Variants in TCP11L2 observed in about 807,000 individuals in gnomAD.
TCP11L2 encodes the protein t-complex 11 like 2.
A neutral mutation model predicts 50.7 loss-of-function variants in TCP11L2; 39 were observed. The ratio of observed to expected loss-of-function variants is 0.77; its 90% confidence interval spans 0.60 to 1.01. The LOEUF (loss-of-function observed/expected upper bound fraction) is 1.01, where lower values mean the gene tolerates loss of function less well. Among genes scored for constraint, TCP11L2 ranks in the 50% least tolerant of loss-of-function variants. The pLI is 0.00. For synonymous variants in TCP11L2, 192 were observed against 219.3 expected, an observed-to-expected ratio of 0.88 and a Z score of 1.10; for missense variants, 612 against 614.7, an observed-to-expected ratio of 1.00 and a Z score of 0.05.
At chr12:106,321,978 T>C (rs543121502) in intron 5 of TCP11L2, among the ~76,000 whole-genome samples, 1 of 152,294 alleles carries the variant, frequency 6.6e-6, no homozygotes, top group African/African-American at 2.4e-5. Flanking sequence ...CCAGGGAGTC[T>C]AATGGGCAGA....
chr12:106,328,954 A>C (rs1374250198), intron 6 of TCP11L2, among the ~76,000 whole-genome samples: 1 of 152,144 alleles, frequency 6.6e-6, no homozygotes, highest in African/African-American at 2.4e-5. Context: ...CTGCTCGGCC[A>C]GCCCCTGGTC....
intron 4 of TCP11L2, among the ~76,000 whole-genome samples, chr12:106,319,128 G>T (rs376752313): frequency 6.6e-6 from 1 of 151,858 alleles, no homozygotes; most frequent in Non-Finnish European, 1.5e-5. Flanking sequence ...AGCCAGGATG[G>T]TCTCGATCTC....
intron 9 of TCP11L2, among the ~76,000 whole-genome samples, chr12:106,344,046 C>T (rs1342105763): frequency 2.0e-5 from 3 of 151,168 alleles, no homozygotes; most frequent in Non-Finnish European, 4.4e-5. Context: ...AGGCCAGGCA[C>T]GGTGGCTCAT....
intron 3 of TCP11L2, among the ~76,000 whole-genome samples, chr12:106,315,223 A>G (rs1473523627): frequency 6.6e-6 from 1 of 151,942 alleles, no homozygotes; most frequent in Non-Finnish European, 1.5e-5. Flanking sequence ...GCAACAGAGT[A>G]CTCCGTCTCA....
At chr12:106,302,197 C>T (rs914842905), upstream of TCP11L2, among the ~76,000 whole-genome samples, 46 of 152,152 alleles carry the variant, frequency 3.0e-4, no homozygotes, top group African/African-American at 1.0e-3. Flanking sequence ...CCACGCGCGG[C>T]CGGGAGCTCG....
upstream of TCP11L2, among the ~76,000 whole-genome samples, chr12:106,302,384 C>CAGCCCCCGCTCAGCCCCCGCTG (rs2034444949): frequency 1.2e-5 from 1 of 86,890 alleles, no homozygotes; most frequent in Non-Finnish European, 2.3e-5. Flanking sequence ...AGCCCCCGCT[C>CAGCCCCCGCTCAGCCCCCGCTG]AGCCCCCGCT....
At chr12:106,314,896 C>T (rs574748837) in intron 3 of TCP11L2, among the ~76,000 whole-genome samples, 11 of 150,548 alleles carry the variant, frequency 7.3e-5, no homozygotes, top group African/African-American at 1.7e-4. Context: ...TTACAGGTAC[C>T]GGGGAGGCTG....
chr12:106,330,057 T>G (rs1024658948), intron 6 of TCP11L2: 1 of 985,438 alleles, frequency 1.0e-6, no homozygotes, highest in Middle Eastern at 5.2e-4. Context: ...ACCTTATAAA[T>G]TCTACCAAAT....
intron 4 of TCP11L2, among the ~76,000 whole-genome samples, chr12:106,319,004 C>T (rs1009279246): frequency 1.5e-4 from 23 of 152,080 alleles, no homozygotes; most frequent in Non-Finnish European, 2.6e-4. Context: ...CTCCGCTTCC[C>T]GGGTTCACGC....
chr12:106,314,269 T>C (rs1470744628), intron 2 of TCP11L2, 89 bp from the exon 3 acceptor site: 3 of 1,374,774 alleles, frequency 2.2e-6, no homozygotes, highest in Non-Finnish European at 3.0e-6. Flanking sequence ...ATATACATTC[T>C]GATAAATTAA....
At chr12:106,302,301 GCCCCGCTCAGCCCCCGCTC>G (rs2034436993), upstream of TCP11L2, among the ~76,000 whole-genome samples, 2 of 114,116 alleles carry the variant, frequency 1.8e-5, no homozygotes, top group Non-Finnish European at 3.8e-5. Flanking sequence ...CCTCCCCAGA[GCCCCGCTCAGCCCCCGCTC>G]CCCCCGCTCA....
At position 106,311,247 on chromosome 12, in the gene TCP11L2, G is replaced by C. The variant is rs1361744339; in HGVS notation, c.157+15G>C. 1 of 1,612,026 alleles carries C rather than the reference G, an allele frequency of 6.2e-7. No individual in the cohort carries two copies. Among genetic ancestry groups the C allele is most frequent in the African/African-American group, 1.3e-5 (1 of 74,982 alleles). On this transcript the variant is annotated intron_variant, in intron 2 of 9. Coordinates refer to ENST00000299045, the MANE Select transcript of TCP11L2 (RefSeq NM_152772.3). Reference sequence around the variant, plus strand: ...CTCTCCTGCTTGTGAGCCGATGGGGGAGCAGGGGTTGTGGGTGGCAGGGGT... The same window carrying C: ...CTCTCCTGCTTGTGAGCCGATGGGGCAGCAGGGGTTGTGGGTGGCAGGGGT...
chr12:106,338,142 A>G (rs2035980144), intron 8 of TCP11L2, among the ~76,000 whole-genome samples: 1 of 152,214 alleles, frequency 6.6e-6, no homozygotes, highest in Non-Finnish European at 1.5e-5. Context: ...AAGAGGATTT[A>G]TTGATTAATT....
At chr12:106,329,535 CAG>C (rs2035674578) in intron 6 of TCP11L2, 2 of 1,450,458 alleles carry the variant, frequency 1.4e-6, no homozygotes, top group Admixed American at 2.6e-5. Flanking sequence ...CGTTTAAACA[CAG>C]AGGCCTGAGC....
chr12:106,330,083 A>C, intron 6 of TCP11L2: 1 of 985,470 alleles, frequency 1.0e-6, no homozygotes, highest in Non-Finnish European at 1.2e-6. Flanking sequence ...ATTGTATAAG[A>C]ACTGTGGTAT....
upstream of TCP11L2, among the ~76,000 whole-genome samples, chr12:106,302,416 TCC>T (rs1555199792): frequency 8.6e-6 from 1 of 115,920 alleles, no homozygotes; most frequent in Admixed American, 8.9e-5. Flanking sequence ...CAGCCCCCGC[TCC>T]CCCACTCGGC....
At chr12:106,312,277 TTGCTG>T in intron 2 of TCP11L2, 34 of 280,692 alleles carry the variant, frequency 1.2e-4, no homozygotes, top group Non-Finnish European at 1.4e-4. Context: ...TTTTTTTTTT[TTGCTG>T]TTATAAATAG....
At chr12:106,331,652 CACAG>C (rs1169571755) in intron 6 of TCP11L2, among the ~76,000 whole-genome samples, 5 of 152,198 alleles carry the variant, frequency 3.3e-5, no homozygotes, top group Non-Finnish European at 7.3e-5. Flanking sequence ...ATCCCCAATT[CACAG>C]ACAGAGGAAA....
upstream of TCP11L2, among the ~76,000 whole-genome samples, chr12:106,300,470 C>T (rs1445034548): frequency 1.3e-5 from 2 of 152,206 alleles, no homozygotes; most frequent in Non-Finnish European, 2.9e-5. Context: ...GCTGGGATTA[C>T]AGGTGCGTGC....
Sources: allele counts gnomAD v4.1 joint callset (sites outside exome capture counted in the v4.1 genomes callset), GRCh38; gene constraint gnomAD v4.1.1; transcripts MANE v1.5; gene names NCBI Gene and HGNC (gene_info 2026-07-23, HGNC 2026-07-21).